EPHA6: variants seen among roughly 807,000 people sequenced by gnomAD.
The protein encoded by EPHA6 is EPH receptor A6, also known as ephrin type-A receptor 6.
A neutral mutation model predicts 112.0 loss-of-function variants in EPHA6; 50 were observed. The observed-to-expected ratio is 0.45, with a 90% CI of 0.36 to 0.56. EPHA6 has a LOEUF of 0.56. EPHA6 is among the 20% of genes least tolerant of loss of function. The probability of loss-of-function intolerance (pLI) is 0.00; values close to 1 mark genes in which losing one functional copy is unlikely to be tolerated. For missense variants in EPHA6, 1,280 were observed against 1,417.4 expected (o/e 0.90, Z 1.56); for synonymous variants, 529 against 490.7 (o/e 1.08, Z -1.03).
intron 2 of EPHA6, among the ~76,000 whole-genome samples, chr3:96,881,144 T>C (rs1009194031): frequency 6.6e-6 from 1 of 152,334 alleles, no homozygotes; most frequent in Non-Finnish European, 1.5e-5. Flanking sequence ...ATCAGCAATG[T>C]GTGAGGGTTC....
At chr3:97,149,452 C>T (rs1390741583) in intron 3 of EPHA6, among the ~76,000 whole-genome samples, 1 of 152,018 alleles carries the variant, frequency 6.6e-6, no homozygotes, top group Non-Finnish European at 1.5e-5. Flanking sequence ...GTTTGTCTGT[C>T]TCCACTGTAT....
intron 5 of EPHA6, among the ~76,000 whole-genome samples, chr3:97,340,370 G>A (rs2083247072): frequency 6.6e-6 from 1 of 152,144 alleles, no homozygotes; most frequent in Admixed American, 6.5e-5. Context: ...TGAGGAGATG[G>A]AGGTTTGGTT....
chr3:97,586,538 A>G (rs371133947), intron 11 of EPHA6, among the ~76,000 whole-genome samples: 11 of 152,172 alleles, frequency 7.2e-5, no homozygotes, highest in Middle Eastern at 3.4e-3. Context: ...ATAAATTACT[A>G]TAACTAAAAA....
chr3:97,132,842 G>A (rs764719313), intron 3 of EPHA6, among the ~76,000 whole-genome samples: 29 of 151,842 alleles, frequency 1.9e-4, no homozygotes, highest in Admixed American at 3.3e-4. Context: ...AAAACTAATC[G>A]AAGTATGCAT....
chr3:97,046,368 AC>A (rs1318706412), intron 3 of EPHA6, among the ~76,000 whole-genome samples: 1 of 152,160 alleles, frequency 6.6e-6, no homozygotes, highest in Non-Finnish European at 1.5e-5. Flanking sequence ...AGATTTTAAC[AC>A]CTACCCATGG....
At position 97,285,553 on chromosome 3, in the gene EPHA6, C is replaced by A. The variant is rs117325899; in HGVS notation, c.1606+41266C>A. ...TTGATATTGCTGCATAATTGCTGCA[C>A]ATAATTTTATTTTTTATGGCCAGAT... On this transcript the variant is annotated intron_variant, in intron 5 of 17. Transcript: ENST00000389672. Among the ~76,000 whole-genome samples, 47 of 152,088 alleles carry A rather than the reference C, an allele frequency of 3.1e-4. No homozygotes were observed. In the East Asian group the frequency reaches 8.7e-3, roughly 28 times the overall value.
chr3:97,006,778 T>C (rs968465389), intron 3 of EPHA6, among the ~76,000 whole-genome samples: 4 of 152,214 alleles, frequency 2.6e-5, no homozygotes, highest in Non-Finnish European at 5.9e-5. Flanking sequence ...CTGCTTTAGC[T>C]GTGTCCCAGA....
intron 5 of EPHA6, among the ~76,000 whole-genome samples, chr3:97,381,436 G>A (rs139542852): frequency 1.6e-3 from 240 of 152,108 alleles, no homozygotes; most frequent in African/African-American, 5.4e-3. Flanking sequence ...GAAAAAATAA[G>A]TGAATTGCCA....
At chr3:97,139,343 T>C (rs1023198007) in intron 3 of EPHA6, among the ~76,000 whole-genome samples, 4 of 152,100 alleles carry the variant, frequency 2.6e-5, no homozygotes, top group African/African-American at 9.7e-5. Context: ...TCTGACACCA[T>C]TGTATAGCAC....
chr3:96,903,232 G>A (rs1254369772), intron 2 of EPHA6, among the ~76,000 whole-genome samples: 1 of 152,150 alleles, frequency 6.6e-6, no homozygotes, highest in Admixed American at 6.5e-5. Flanking sequence ...TGATTGGCAA[G>A]TATGAGACCA....
chr3:97,485,904 T>G (rs1321062783), intron 10 of EPHA6, among the ~76,000 whole-genome samples: 1 of 152,226 alleles, frequency 6.6e-6, no homozygotes, highest in African/African-American at 2.4e-5. Context: ...ATTTTCTGTT[T>G]TAGCCCTTTG....
At chr3:97,694,477 T>G (rs1168894362) in intron 14 of EPHA6, among the ~76,000 whole-genome samples, 1 of 152,222 alleles carries the variant, frequency 6.6e-6, no homozygotes. Flanking sequence ...CCTCAGGTGA[T>G]CCACCCGCCT....
At chr3:97,628,293 G>C (rs895573217) in intron 13 of EPHA6, among the ~76,000 whole-genome samples, 2 of 151,928 alleles carry the variant, frequency 1.3e-5, no homozygotes, top group Non-Finnish European at 2.9e-5. Context: ...GTGCATAAAA[G>C]AAAGAGAAAA....
intron 10 of EPHA6, among the ~76,000 whole-genome samples, chr3:97,525,975 A>G (rs752379307): frequency 1.4e-4 from 21 of 152,198 alleles, no homozygotes; most frequent in Admixed American, 2.6e-4. Context: ...TACCTGTCCT[A>G]GCCATACTGT....
chr3:97,094,422 A>G (rs2047175062), intron 3 of EPHA6, among the ~76,000 whole-genome samples: 1 of 152,140 alleles, frequency 6.6e-6, no homozygotes, highest in Admixed American at 6.6e-5. Context: ...ATCTCCTGTC[A>G]TAACAAGTAT....
chr3:97,016,696 C>T (rs1398069616), intron 3 of EPHA6, among the ~76,000 whole-genome samples: 8 of 152,258 alleles, frequency 5.3e-5, no homozygotes, highest in South Asian at 2.1e-4. Context: ...TTTTTCCTTA[C>T]GCACCTATGT....
chr3:97,687,198 T>G (rs1426750819), intron 14 of EPHA6, among the ~76,000 whole-genome samples: 1 of 152,210 alleles, frequency 6.6e-6, no homozygotes. Flanking sequence ...CTTTTCCAAT[T>G]ACATCTTTTT....
At chr3:97,580,783 C>T (rs146650919) in intron 11 of EPHA6, among the ~76,000 whole-genome samples, 33 of 152,246 alleles carry the variant, frequency 2.2e-4, no homozygotes, top group East Asian at 9.6e-4. Context: ...GGTGAATATA[C>T]GCCTCAGTGG....
chr3:97,133,647 G>T (rs1372995214), intron 3 of EPHA6, among the ~76,000 whole-genome samples: 1 of 151,830 alleles, frequency 6.6e-6, no homozygotes, highest in African/African-American at 2.4e-5. Context: ...ATATAGACCA[G>T]GAAATCAGAA....
Sources: allele counts gnomAD v4.1 joint callset (sites outside exome capture counted in the v4.1 genomes callset), GRCh38; gene constraint gnomAD v4.1.1; transcripts MANE v1.5; gene names NCBI Gene and HGNC (gene_info 2026-07-23, HGNC 2026-07-21).